Variants in BTG4 observed in about 807,000 individuals in gnomAD.
BTG4 encodes the protein BTG anti-proliferation factor 4, also known as protein BTG4.
In BTG4, 10 loss-of-function variants were observed where a neutral mutation model predicts 19.3. The ratio of observed to expected loss-of-function variants is 0.52; its 90% CI spans 0.32 to 0.88. The LOEUF (loss-of-function observed/expected upper bound fraction) is 0.88. BTG4 is among the 40% of genes least tolerant of loss of function. BTG4 has a pLI of 0.04. For synonymous variants in BTG4, 91 were observed against 95.7 expected (o/e 0.95, Z 0.29); for missense variants, 238 against 281.9 (o/e 0.84, Z 1.11).
chr11:111,412,894 G>A, the BTG4 span, among the ~76,000 whole-genome samples: 2 of 152,206 alleles, frequency 1.3e-5, no homozygotes, highest in African/African-American at 4.8e-5. Context: ...AAGCTTCCTG[G>A]AAGCCCAGGG....
chr11:111,504,059 C>A (rs1866274060), intron 1 of BTG4, among the ~76,000 whole-genome samples: 1 of 152,200 alleles, frequency 6.6e-6, no homozygotes, highest in East Asian at 1.9e-4. Flanking sequence ...CATTTCATTT[C>A]TTTAGCTTCC....
chr11:111,440,555 C>G, the BTG4 span, among the ~76,000 whole-genome samples: 1,035 of 152,310 alleles, frequency 6.8e-3, 16 homozygotes, highest in African/African-American at 0.024. Context: ...TACCCCTGGG[C>G]GGTGTCCCCA....
chr11:111,388,056 G>A, the BTG4 span, among the ~76,000 whole-genome samples: 1 of 152,102 alleles, frequency 6.6e-6, no homozygotes. Flanking sequence ...CACAAACTTT[G>A]TGCTGGAAAT....
At chr11:111,426,504 GC>G in the BTG4 span, among the ~76,000 whole-genome samples, 2 of 152,128 alleles carry the variant, frequency 1.3e-5, no homozygotes, top group African/African-American at 4.8e-5. Context: ...TTGCATTGTA[GC>G]GGTGGTGGGT....
chr11:111,411,376 C>G, the BTG4 span, among the ~76,000 whole-genome samples: 1 of 151,898 alleles, frequency 6.6e-6, no homozygotes, highest in Non-Finnish European at 1.5e-5. Context: ...TTTGCACTCA[C>G]TGTCTCCTCT....
chr11:111,406,917 C>T, the BTG4 span, among the ~76,000 whole-genome samples: 5 of 152,164 alleles, frequency 3.3e-5, no homozygotes, highest in African/African-American at 1.2e-4. Flanking sequence ...GCCTGCCTAC[C>T]TCATTTCACA....
the BTG4 span, chr11:111,459,899 C>T: frequency 4.6e-5 from 7 of 152,308 alleles, no homozygotes; most frequent in Non-Finnish European, 8.8e-5. Flanking sequence ...GGGAAGGGGT[C>T]ATTCTGGTCT....
chr11:111,396,955 T>C, the BTG4 span: 1 of 152,216 alleles, frequency 6.6e-6, no homozygotes, highest in Non-Finnish European at 1.5e-5. Context: ...GATTTATTCA[T>C]TGCCACTGGC....
At chr11:111,423,006 A>G in the BTG4 span, among the ~76,000 whole-genome samples, 1 of 152,134 alleles carries the variant, frequency 6.6e-6, no homozygotes, top group Non-Finnish European at 1.5e-5. Context: ...CATGCACTGG[A>G]CACAGTGCAT....
At chr11:111,498,886 A>G (rs1865901893) in intron 1 of BTG4, 84 bp from the exon 2 acceptor site, 21 of 950,644 alleles carry the variant, frequency 2.2e-5, no homozygotes, top group Non-Finnish European at 3.0e-5. Context: ...TGGAAATTTT[A>G]CATACCTTAA....
At chr11:111,471,850 C>G (rs551251243) in intron 5 of BTG4, among the ~76,000 whole-genome samples, 6 of 152,320 alleles carry the variant, frequency 3.9e-5, no homozygotes, top group African/African-American at 1.4e-4. Flanking sequence ...AAACCTTCCC[C>G]CATCTCAACT....
chr11:111,457,217 T>C, the BTG4 span: 2 of 152,784 alleles, frequency 1.3e-5, no homozygotes, highest in Non-Finnish European at 2.9e-5. Flanking sequence ...GTCACAGGCA[T>C]CAAGGTGCCC....
At chr11:111,416,214 G>C in the BTG4 span, among the ~76,000 whole-genome samples, 2 of 151,974 alleles carry the variant, frequency 1.3e-5, no homozygotes, top group Admixed American at 1.3e-4. Flanking sequence ...AGCCTGATAG[G>C]GGGATGGAGT....
chr11:111,424,490 AT>A, the BTG4 span, among the ~76,000 whole-genome samples: 1 of 152,224 alleles, frequency 6.6e-6, no homozygotes, highest in African/African-American at 2.4e-5. Flanking sequence ...ATTTGTTCAC[AT>A]TTATTACAGT....
At chr11:111,420,476 A>C in the BTG4 span, among the ~76,000 whole-genome samples, 3 of 152,366 alleles carry the variant, frequency 2.0e-5, no homozygotes, top group East Asian at 1.9e-4. Flanking sequence ...TGGGCATGGT[A>C]GGGTGTGGAC....
At chr11:111,390,765 GC>G in the BTG4 span, among the ~76,000 whole-genome samples, 1 of 152,170 alleles carries the variant, frequency 6.6e-6, no homozygotes, top group Admixed American at 6.5e-5. Context: ...TTTCTTCGAA[GC>G]CTTCCAGTCC....
At chr11:111,485,085 C>T (rs1006959432) in intron 5 of BTG4, among the ~76,000 whole-genome samples, 2 of 152,040 alleles carry the variant, frequency 1.3e-5, no homozygotes, top group African/African-American at 4.8e-5. Context: ...TATATATGTA[C>T]CCAACACTGG....
chr11:111,467,689 C>A (rs750057650), intron 5 of BTG4: 1 of 762,674 alleles, frequency 1.3e-6, no homozygotes, highest in Admixed American at 1.8e-5. Context: ...ATTCTGGGGT[C>A]CAGTATAGAT....
chr11:111,435,287 C>G, the BTG4 span, among the ~76,000 whole-genome samples: 1 of 152,128 alleles, frequency 6.6e-6, no homozygotes, highest in Non-Finnish European at 1.5e-5. Flanking sequence ...GGGCTCAGAC[C>G]TGGATATGGA....
Sources: allele counts gnomAD v4.1 joint callset (sites outside exome capture counted in the v4.1 genomes callset), GRCh38; gene constraint gnomAD v4.1.1; transcripts MANE v1.5; gene names NCBI Gene and HGNC (gene_info 2026-07-23, HGNC 2026-07-21).